Variants in ITIH5 observed in about 807,000 individuals in gnomAD.
The protein encoded by ITIH5 is inter-alpha-trypsin inhibitor heavy chain 5, also known as inter-alpha-trypsin inhibitor heavy chain H5.
A neutral mutation model predicts 77.5 loss-of-function variants in ITIH5; 65 were observed. That is an observed-to-expected ratio of 0.84 (90% CI 0.69 to 1.03). The LOEUF (loss-of-function observed/expected upper bound fraction) is 1.03. Ranked by LOEUF, ITIH5 falls within the 50% of genes least tolerant of loss-of-function variation. ITIH5 has a pLI of 0.00. For synonymous variants in ITIH5, 525 were observed against 494.3 expected (o/e 1.06, Z -0.82); for missense variants, 1,208 against 1,213.1 (o/e 1.00, Z 0.06).
intron 7 of ITIH5, among the ~76,000 whole-genome samples, chr10:7,602,004 C>T (rs1213598428): frequency 6.6e-6 from 1 of 152,130 alleles, no homozygotes; most frequent in African/African-American, 2.4e-5. Flanking sequence ...AGGTACGTGC[C>T]ACCACGCAGG....
intron 2 of ITIH5, among the ~76,000 whole-genome samples, chr10:7,644,283 A>G (rs891772565): frequency 6.7e-6 from 1 of 149,374 alleles, no homozygotes; most frequent in Admixed American, 6.7e-5. Flanking sequence ...GCGTGTGTAT[A>G]TATATCATAT....
At chr10:7,655,038 T>G (rs1162757139) in intron 2 of ITIH5, among the ~76,000 whole-genome samples, 1 of 152,196 alleles carries the variant, frequency 6.6e-6, no homozygotes, top group Non-Finnish European at 1.5e-5. Context: ...ACAAGAAATC[T>G]GAATCCACTC....
At chr10:7,599,224 C>T (rs1358176241) in intron 7 of ITIH5, among the ~76,000 whole-genome samples, 3 of 152,172 alleles carry the variant, frequency 2.0e-5, no homozygotes, top group Non-Finnish European at 4.4e-5. Flanking sequence ...CATTCATTGT[C>T]AATTCCATAC....
intron 2 of ITIH5, among the ~76,000 whole-genome samples, chr10:7,653,101 A>G (rs1477649175): frequency 2.6e-5 from 4 of 152,250 alleles, no homozygotes; most frequent in Non-Finnish European, 5.9e-5. Context: ...GAGTAATTAT[A>G]TCAGTTGCTG....
At chr10:7,631,225 G>A (rs1276117832) in intron 5 of ITIH5, among the ~76,000 whole-genome samples, 1 of 152,150 alleles carries the variant, frequency 6.6e-6, no homozygotes, top group African/African-American at 2.4e-5. Flanking sequence ...TGGCATGGGT[G>A]AGGCTTAAGC....
intron 7 of ITIH5, among the ~76,000 whole-genome samples, chr10:7,597,571 ACC>A: frequency 7.3e-6 from 1 of 136,716 alleles, no homozygotes; most frequent in South Asian, 2.5e-4. Flanking sequence ...CCCCCTCTGT[ACC>A]CCAGAGACAC....
intron 2 of ITIH5, among the ~76,000 whole-genome samples, chr10:7,652,730 C>A (rs1202218321): frequency 6.6e-6 from 1 of 152,092 alleles, no homozygotes; most frequent in Non-Finnish European, 1.5e-5. Flanking sequence ...AGGAACTGAG[C>A]ACTTTTATGT....
At chr10:7,628,187 C>T (rs887971863) in intron 5 of ITIH5, among the ~76,000 whole-genome samples, 1 of 152,150 alleles carries the variant, frequency 6.6e-6, no homozygotes, top group East Asian at 1.9e-4. Context: ...TTTAGTACAT[C>T]CACAATGTTG....
At chr10:7,609,517 G>A in intron 7 of ITIH5, 1 of 454,058 alleles carries the variant, frequency 2.2e-6, no homozygotes, top group Non-Finnish European at 4.4e-6. Context: ...GTAAGCCTGT[G>A]AGTGAACCAA....
At chr10:7,610,466 T>C (rs1040535646) in intron 7 of ITIH5, among the ~76,000 whole-genome samples, 5 of 152,178 alleles carry the variant, frequency 3.3e-5, no homozygotes, top group African/African-American at 1.2e-4. Flanking sequence ...CTATGTGTCC[T>C]ACATTGCAAT....
At chr10:7,664,583 C>A (rs1369537401) in intron 1 of ITIH5, among the ~76,000 whole-genome samples, 2 of 152,176 alleles carry the variant, frequency 1.3e-5, no homozygotes, top group South Asian at 2.1e-4. Flanking sequence ...AGGAGTCATT[C>A]CACTATGGGT....
chr10:7,651,751 A>G (rs1324421711), intron 2 of ITIH5, among the ~76,000 whole-genome samples: 1 of 152,090 alleles, frequency 6.6e-6, no homozygotes, highest in African/African-American at 2.4e-5. Flanking sequence ...TCCTCAGCCT[A>G]CCTACTACCC....
intron 12 of ITIH5, among the ~76,000 whole-genome samples, chr10:7,567,930 AAAACCT>A (rs1832220619): frequency 6.6e-6 from 1 of 152,224 alleles, no homozygotes; most frequent in Non-Finnish European, 1.5e-5. Context: ...GGACAGATGG[AAAACCT>A]AACAGAATTT....
chr10:7,579,838 C>T lies in ITIH5; in HGVS notation c.1335G>A (p.Arg445=), dbSNP rs1832506021. ...TCTCCAGCGACAGTTTCTCCAGCAG[C>T]CTGAAGTCCACGTCGTTGCCGATGC... ...TIGIGNDVDF[R]LLEKLSLENC... Residue 445 remains arginine (R), a synonymous_variant, in exon 9 of 14, where the codon AGG becomes AGA. Transcript: ENST00000397146. 5 of 1,614,230 alleles carry T rather than the reference C, an allele frequency of 3.1e-6. No individual in the cohort carries two copies. The highest frequency in any genetic ancestry group is 3.4e-6 in the Non-Finnish European group (4 of 1,180,040).
intron 4 of ITIH5, among the ~76,000 whole-genome samples, chr10:7,638,527 G>T (rs1833836016): frequency 6.6e-6 from 1 of 152,176 alleles, no homozygotes; most frequent in Admixed American, 6.5e-5. Flanking sequence ...ATGCCTCAAA[G>T]TTCAAAAGGA....
At chr10:7,637,581 G>C (rs1833823335) in intron 4 of ITIH5, 103 bp from the exon 5 acceptor site, 1 of 1,177,474 alleles carries the variant, frequency 8.5e-7, no homozygotes. Context: ...CAACCAGCCT[G>C]CCAGGGAGAC....
At chr10:7,586,795 G>C (rs1440738377) in intron 7 of ITIH5, among the ~76,000 whole-genome samples, 1 of 152,006 alleles carries the variant, frequency 6.6e-6, no homozygotes, top group Non-Finnish European at 1.5e-5. Context: ...TTGAGGATGA[G>C]ATTTAAAGAA....
chr10:7,641,646 AAGGAAGGGAGGGAGGG>A (rs1207315061), intron 3 of ITIH5, among the ~76,000 whole-genome samples: 1 of 83,898 alleles, frequency 1.2e-5, no homozygotes, highest in Non-Finnish European at 2.2e-5. Flanking sequence ...AAAAGGAAGG[AAGGAAGGGAGGGAGGG>A]AGGGAGGGAG....
intron 1 of ITIH5, among the ~76,000 whole-genome samples, chr10:7,658,769 G>A (rs1834229118): frequency 6.6e-6 from 1 of 152,178 alleles, no homozygotes. Flanking sequence ...ATAATAAGAG[G>A]TTGTGGAGAC....
Sources: allele counts gnomAD v4.1 joint callset (sites outside exome capture counted in the v4.1 genomes callset), GRCh38; gene constraint gnomAD v4.1.1; transcripts MANE v1.5; gene names NCBI Gene and HGNC (gene_info 2026-07-23, HGNC 2026-07-21).